DIAPH2: variants seen among roughly 807,000 people sequenced by gnomAD.
DIAPH2 encodes diaphanous related formin 2, also known as protein diaphanous homolog 2.
DIAPH2 carries 35 observed loss-of-function variants against 92.7 expected under a neutral mutation model. The ratio of observed to expected loss-of-function variants is 0.38; its 90% CI spans 0.29 to 0.50. The LOEUF (loss-of-function observed/expected upper bound fraction) is 0.50, where lower values mean the gene tolerates loss of function less well. Among genes scored for constraint, DIAPH2 ranks in the 20% least tolerant of loss-of-function variants. The pLI is 0.94. For missense variants in DIAPH2, 701 were observed against 819.5 expected (o/e 0.86, Z 1.77); for synonymous variants, 301 against 280.4 (o/e 1.07, Z -0.73).
At chrX:96,771,653 A>AT (rs776488250) in intron 4 of DIAPH2, among the ~76,000 whole-genome samples, 128 of 111,252 alleles carry the variant, frequency 1.2e-3, no homozygotes, top group African/African-American at 3.6e-3. Flanking sequence ...TAACAGAGGG[A>AT]TTTTTTTTAT....
intron 18 of DIAPH2, 31 bp from the exon 19 acceptor site, chrX:97,075,136 A>G (rs1171358150): frequency 1.0e-6 from 1 of 983,540 alleles, no homozygotes; most frequent in Non-Finnish European, 1.4e-6. Context: ...TGATGCTGTT[A>G]TACTTTTAAT....
chrX:97,068,039 C>A (rs1191091510), intron 17 of DIAPH2, among the ~76,000 whole-genome samples: 1 of 111,846 alleles, frequency 8.9e-6, no homozygotes, highest in African/African-American at 3.2e-5. Flanking sequence ...TATTTACTGT[C>A]AACCATTGGC....
At chrX:97,498,227 CA>C (rs1184819376) in intron 26 of DIAPH2, among the ~76,000 whole-genome samples, 2 of 112,178 alleles carry the variant, frequency 1.8e-5, no homozygotes, top group African/African-American at 6.5e-5. Context: ...ATTTCCTTAA[CA>C]ATGAATGAAC....
At chrX:97,165,858 A>G (rs1233504302) in intron 22 of DIAPH2, among the ~76,000 whole-genome samples, 1 of 110,839 alleles carries the variant, frequency 9.0e-6, no homozygotes, top group African/African-American at 3.3e-5. Context: ...TATTCTGCAT[A>G]GTTAAAAGTG....
At chrX:97,232,498 A>T (rs2068017266) in intron 22 of DIAPH2, among the ~76,000 whole-genome samples, 1 of 111,663 alleles carries the variant, frequency 9.0e-6, no homozygotes, top group African/African-American at 3.3e-5. Context: ...AAGTACTGAG[A>T]TTACAGGTGT....
At chrX:97,490,821 A>G (rs1248911953) in intron 26 of DIAPH2, among the ~76,000 whole-genome samples, 2 of 111,678 alleles carry the variant, frequency 1.8e-5, no homozygotes, top group Admixed American at 9.5e-5. Flanking sequence ...TTGTGACTTA[A>G]CACGTGATAT....
intron 26 of DIAPH2, among the ~76,000 whole-genome samples, chrX:97,509,640 T>C (rs1419689031): frequency 9.4e-6 from 1 of 106,797 alleles, no homozygotes; most frequent in Non-Finnish European, 1.9e-5. Context: ...GTGTATCTCC[T>C]AATGCTATCC....
chrX:96,971,043 A>C (rs544185470), intron 17 of DIAPH2, among the ~76,000 whole-genome samples: 7 of 111,992 alleles, frequency 6.3e-5, no homozygotes, highest in African/African-American at 2.3e-4. Context: ...TTGAGCATTT[A>C]CGCTTTTGAT....
chrX:96,941,906 T>A (rs1432913278), intron 12 of DIAPH2, 112 bp from the exon 13 acceptor site: 4 of 479,002 alleles, frequency 8.4e-6, no homozygotes, highest in Non-Finnish European at 1.4e-5. Context: ...CAGGATTTTT[T>A]AAAACAACTC....
At chrX:97,005,707 T>G (rs2066176487) in intron 17 of DIAPH2, among the ~76,000 whole-genome samples, 1 of 109,621 alleles carries the variant, frequency 9.1e-6, no homozygotes, top group Non-Finnish European at 1.9e-5. Flanking sequence ...GCCCGGCTAA[T>G]TTTTTGTATT....
At chrX:97,349,835 G>A (rs778170716) in intron 24 of DIAPH2, among the ~76,000 whole-genome samples, 1 of 111,114 alleles carries the variant, frequency 9.0e-6, no homozygotes, top group East Asian at 2.8e-4. Context: ...CTTAAAAGCT[G>A]ATTATATGCT....
intron 4 of DIAPH2, among the ~76,000 whole-genome samples, chrX:96,870,179 C>G (rs1026805301): frequency 9.0e-6 from 1 of 111,292 alleles, no homozygotes; most frequent in African/African-American, 3.3e-5. Context: ...TAATATTTTC[C>G]CTGTTGTTAG....
intron 4 of DIAPH2, among the ~76,000 whole-genome samples, chrX:96,812,110 T>C (rs2064688320): frequency 8.9e-6 from 1 of 111,831 alleles, no homozygotes; most frequent in Non-Finnish European, 1.9e-5. Flanking sequence ...AGCTCCTCCT[T>C]GTACCTCTGG....
rs1483270451 is a variant in DIAPH2 at position 96,699,323 on chromosome X, T to G, written c.132+14133T>G. ...AAGGGCTTCGTGTTACGGATAAATA[T>G]GTAAGGAAGGATATAGCATTCCCAT... On this transcript the variant is annotated intron_variant, in intron 1 of 26. Coordinates refer to ENST00000324765, the MANE Select transcript of DIAPH2 (RefSeq NM_006729.5). 3.6e-5 allele frequency among the ~76,000 whole-genome samples: 4 copies of G among 112,109 alleles called. No individual in the cohort carries two copies. The Admixed American group carries it at 3.8e-4, about 11-fold the overall frequency.
intron 22 of DIAPH2, among the ~76,000 whole-genome samples, chrX:97,218,381 C>T (rs888726123): frequency 1.8e-5 from 2 of 111,652 alleles, no homozygotes; most frequent in Non-Finnish European, 1.9e-5. Context: ...TGAGCCACCG[C>T]GCCCAGCCAG....
chrX:96,713,176 T>A (rs2147537881), intron 1 of DIAPH2, among the ~76,000 whole-genome samples: 1 of 111,783 alleles, frequency 8.9e-6, no homozygotes, highest in African/African-American at 3.2e-5. Flanking sequence ...CTTGAGCTTG[T>A]TTTCTTGTGT....
chrX:97,068,321 T>G (rs1200528806), intron 17 of DIAPH2, among the ~76,000 whole-genome samples: 1 of 111,759 alleles, frequency 8.9e-6, no homozygotes, highest in African/African-American at 3.3e-5. Flanking sequence ...AGAGCAGATA[T>G]GTAATAAAAA....
chrX:97,389,296 G>A (rs894717091), intron 25 of DIAPH2, among the ~76,000 whole-genome samples: 2 of 108,564 alleles, frequency 1.8e-5, no homozygotes, highest in Non-Finnish European at 3.8e-5. Context: ...GTGAAACCCC[G>A]TCTCTACTAA....
chrX:97,544,361 G>C (rs1309425674), intron 26 of DIAPH2, among the ~76,000 whole-genome samples: 1 of 112,226 alleles, frequency 8.9e-6, no homozygotes, highest in Admixed American at 9.4e-5. Flanking sequence ...CCATGACATA[G>C]AGTATCTCAA....
Sources: allele counts gnomAD v4.1 joint callset (sites outside exome capture counted in the v4.1 genomes callset), GRCh38; gene constraint gnomAD v4.1.1; transcripts MANE v1.5; gene names NCBI Gene and HGNC (gene_info 2026-07-23, HGNC 2026-07-21).